The following CDON variants were observed in gnomAD, a reference collection of about 807,000 sequenced individuals.
CDON encodes the protein cell adhesion associated, oncogene regulated, also known as cell adhesion molecule-related/down-regulated by oncogenes.
In CDON, 73 loss-of-function variants were observed where a neutral mutation model predicts 120.9. That is an observed-to-expected ratio of 0.60 (90% confidence interval 0.50 to 0.73). The LOEUF is 0.73. CDON is among the 30% of genes least tolerant of loss of function. The pLI, the probability that CDON is intolerant of heterozygous loss-of-function variation, is 0.00. For missense variants in CDON, 1,470 were observed against 1,587.3 expected, an observed-to-expected ratio of 0.93 and a Z score of 1.26; for synonymous variants, 566 against 573.5, an observed-to-expected ratio of 0.99 and a Z score of 0.19.
At chr11:126,055,228 G>C (rs1380064999) in intron 1 of CDON, among the ~76,000 whole-genome samples, 1 of 152,166 alleles carries the variant, frequency 6.6e-6, no homozygotes, top group Non-Finnish European at 1.5e-5. Context: ...CTCACATGCT[G>C]AATCTCCTCT....
In CDON at chr11:125,981,247, A is replaced by G. The variant is rs1447244666; in HGVS notation, c.3078T>C (p.Ser1026=). The G allele has an allele frequency of 1.2e-6, 2 of 1,614,126 alleles. No homozygotes were observed. Among genetic ancestry groups the G allele is most frequent in the Non-Finnish European group, 1.7e-6 (2 of 1,180,016 alleles). The part of the protein sequence containing the change: ...MVDYTTLSGA[S]QINGNVHGGF... The stretch of plus-strand genomic sequence containing the variant: ...CTCCGTGAACATTTCCATTTATCTG[A>G]CTTGCTCCTGAGAGAGTGGTGTAGT... Residue 1026 remains serine, a synonymous_variant, in exon 17 of 20, where the codon AGT becomes AGC. Transcript: ENST00000531738.
At chr11:125,994,817 T>C in intron 13 of CDON, 54 bp downstream of exon 13, 1 of 1,472,634 alleles carries the variant, frequency 6.8e-7, no homozygotes, top group African/African-American at 1.4e-5. Context: ...AATATTAAAT[T>C]GATTGTTAAC....
chr11:126,017,399 G>A (rs1322098021), intron 5 of CDON, 24 bp from the exon 6 acceptor site: 1 of 1,609,712 alleles, frequency 6.2e-7, no homozygotes, highest in South Asian at 1.1e-5. Flanking sequence ...GGAGATGAGA[G>A]ATTATTAGTA....
At chr11:126,002,248 T>C (rs1028599354) in intron 10 of CDON, among the ~76,000 whole-genome samples, 6 of 152,212 alleles carry the variant, frequency 3.9e-5, no homozygotes, top group Admixed American at 3.3e-4. Flanking sequence ...CCTCACATTG[T>C]TTTAATATTT....
chr11:125,999,699 C>T (rs1946886622), intron 11 of CDON, among the ~76,000 whole-genome samples: 1 of 152,136 alleles, frequency 6.6e-6, no homozygotes, highest in East Asian at 1.9e-4. Context: ...ACTCCATTCC[C>T]TTAATCTCTC....
At chr11:126,023,590 CAGCTGG>C in intron 1 of CDON, 53 bp from the exon 2 acceptor site, 4 of 821,058 alleles carry the variant, frequency 4.9e-6, no homozygotes, top group African/African-American at 1.7e-5. Context: ...TTCGTCTGAG[CAGCTGG>C]AGCTGTGAGC....
intron 16 of CDON, 91 bp from the exon 17 acceptor site, chr11:125,981,420 A>ACG: frequency 1.0e-6 from 1 of 956,590 alleles, no homozygotes; most frequent in Non-Finnish European, 1.5e-6. Flanking sequence ...ACATGCACAT[A>ACG]CGCACACACG....
At chr11:126,049,330 G>A (rs779722335) in intron 1 of CDON, among the ~76,000 whole-genome samples, 1 of 152,220 alleles carries the variant, frequency 6.6e-6, no homozygotes, top group Non-Finnish European at 1.5e-5. Flanking sequence ...TTGCTTGACA[G>A]ATCGTAGATA....
intron 16 of CDON, 117 bp from the exon 17 acceptor site, chr11:125,981,446 TA>T (rs1946299695): frequency 1.9e-6 from 2 of 1,076,376 alleles, no homozygotes; most frequent in South Asian, 1.4e-5. Flanking sequence ...ACGCACACAG[TA>T]AGACACTAAA....
At chr11:126,003,764 G>C (rs1947029500) in intron 10 of CDON, 138 bp downstream of exon 10, 1 of 794,476 alleles carries the variant, frequency 1.3e-6, no homozygotes, top group Non-Finnish European at 2.1e-6. Flanking sequence ...AGGTTGCAGT[G>C]AGCTGAGATT....
At chr11:125,994,248 GC>G (rs773023763) in intron 14 of CDON, 35 bp downstream of exon 14, 1 of 1,039,506 alleles carries the variant, frequency 9.6e-7, no homozygotes, top group South Asian at 1.3e-5. Context: ...TCTCCAAAGC[GC>G]CTTTACAGGG....
intron 1 of CDON, among the ~76,000 whole-genome samples, chr11:126,053,786 T>A (rs1948624042): frequency 6.7e-6 from 1 of 148,950 alleles, no homozygotes; most frequent in Admixed American, 6.6e-5. Context: ...AGAGGGACAG[T>A]GAGAATGACG....
At chr11:126,016,026 T>C (rs1169724953) in intron 6 of CDON, among the ~76,000 whole-genome samples, 1 of 152,232 alleles carries the variant, frequency 6.6e-6, no homozygotes, top group Non-Finnish European at 1.5e-5. Flanking sequence ...AAGTGTATCA[T>C]TTATCAGAAT....
chr11:126,040,864 G>A lies in CDON; in HGVS notation c.-61-17327C>T, dbSNP rs1479449236. Among the ~76,000 whole-genome samples the A allele has an allele frequency of 3.9e-5, 5 of 128,260 alleles. No individual in the cohort carries two copies. In the East Asian group the frequency reaches 9.7e-4, roughly 25 times the overall value. 84.1% of individuals were successfully genotyped at this position (128,260 alleles called of 152,430 possible). A position where few individuals can be genotyped will look rare whatever the true frequency, so the allele number is the denominator to read the frequency against. On this transcript the variant is annotated intron_variant, in intron 1 of 19. Transcript: ENST00000531738. ...AAAAAAAAGGTACTAAAGTCAAGGC[G>A]ACTAACCAAGAGCATGGTGCAGCGC...
chr11:126,029,112 T>A (rs1947881635), intron 1 of CDON, among the ~76,000 whole-genome samples: 1 of 152,132 alleles, frequency 6.6e-6, no homozygotes, highest in Non-Finnish European at 1.5e-5. Context: ...CCTCACACTG[T>A]GGTAAGCAAA....
intron 9 of CDON, among the ~76,000 whole-genome samples, chr11:126,004,674 C>T (rs530213473): frequency 2.5e-4 from 38 of 152,220 alleles, no homozygotes; most frequent in Admixed American, 9.2e-4. Flanking sequence ...AGCAAAACTT[C>T]TTTATCTAGA....
At position 125,959,183 on chromosome 11, in the gene CDON, T is replaced by A. The variant is rs1057357416; in HGVS notation, c.*1759A>T. ...ACAAGCACATTTTCACTAACAGTTC[T>A]ATTATAAAATATATAGACATATGTA... On this transcript the variant is annotated 3_prime_UTR_variant, in exon 20 of 20. Coordinates refer to ENST00000531738, the MANE Select transcript of CDON (RefSeq NM_001378964.1). 1.3e-5 allele frequency: 2 copies of A among 152,224 alleles called. No individual in the cohort carries two copies. Among genetic ancestry groups the A allele is most frequent in the African/African-American group, 4.8e-5 (2 of 41,466 alleles). 9.4% of individuals were successfully genotyped at this position (152,224 alleles called of 1,614,324 possible). A position where few individuals can be genotyped will look rare whatever the true frequency, so the allele number is the denominator to read the frequency against.
At chr11:125,964,943 T>C (rs1165065043) in intron 18 of CDON, among the ~76,000 whole-genome samples, 1 of 152,242 alleles carries the variant, frequency 6.6e-6, no homozygotes, top group African/African-American at 2.4e-5. Context: ...TTGTTTGTTT[T>C]TGAGAAGGAG....
chr11:125,980,550 A>C (rs1946266577), intron 17 of CDON, among the ~76,000 whole-genome samples: 1 of 152,166 alleles, frequency 6.6e-6, no homozygotes, highest in Non-Finnish European at 1.5e-5. Flanking sequence ...AAAAATCAGA[A>C]AATTTGGCAA....
Sources: gnomAD v4.1 joint callset for allele counts (sites outside exome capture counted in the v4.1 genomes callset) on GRCh38, gnomAD v4.1.1 for gene constraint, MANE v1.5 for transcripts, NCBI Gene and HGNC (gene_info 2026-07-23, HGNC 2026-07-21) for gene names.